PIEZO2: variants seen among roughly 807,000 people sequenced by gnomAD.
PIEZO2 encodes piezo-type mechanosensitive ion channel component 2.
Under a neutral mutation model 337.3 loss-of-function variants are expected in PIEZO2, and 172 were observed. That is an observed-to-expected ratio of 0.51 (90% CI 0.45 to 0.58). The LOEUF (loss-of-function observed/expected upper bound fraction) is 0.58. Among genes scored for constraint, PIEZO2 ranks in the 20% least tolerant of loss-of-function variants. PIEZO2 has a pLI of 0.00. For missense variants in PIEZO2, 3,028 were observed against 3,391.3 expected (o/e 0.89, Z 2.66); for synonymous variants, 1,251 against 1,228.5 (o/e 1.02, Z -0.38).
chr18:10,736,535 C>A, intron 34 of PIEZO2, 69 bp downstream of exon 34: 2 of 1,527,796 alleles, frequency 1.3e-6, no homozygotes, highest in Non-Finnish European at 1.8e-6. Context: ...GTGTCTAGGC[C>A]TGCAATGAAG....
Position 10,855,532 on chromosome 18 carries a change from A to T in PIEZO2, c.738T>A (p.Tyr246Ter). The change falls in exon 7 of 56, where the codon TAT becomes TAA. Residue 246 changes from tyrosine to a stop codon, truncating the protein, a stop_gained. Transcript: ENST00000674853. LOFTEE classifies it high-confidence loss of function. The surrounding 1 kb of genome is among the most constrained non-coding windows in gnomAD (Gnocchi z 4.9). ...MMLPSLTSSVYFFVFLGLCTW... is the reference protein window; with the variant it reads ...MMLPSLTSSV ...TGCACAGACCCAAAAATACAAAAAA[A>T]TACACAGATGATGTCAAAGACGGCA... 6.5e-7 allele frequency: 1 copy of T among 1,537,038 alleles called. No individual in the cohort carries two copies.
chr18:10,921,933 T>C (rs2031444132), intron 3 of PIEZO2, among the ~76,000 whole-genome samples: 1 of 152,272 alleles, frequency 6.6e-6, no homozygotes, highest in South Asian at 2.1e-4. Context: ...AGGAAATTCT[T>C]GCCTAATAAA....
rs958358461 is a variant in PIEZO2, at chr18:10,871,362, C to T, written c.383G>A (p.Gly128Glu). 4 of 1,537,192 alleles carry T rather than the reference C, an allele frequency of 2.6e-6. No homozygotes were observed. The highest frequency in any genetic ancestry group is 3.5e-6 in the Non-Finnish European group (4 of 1,146,886). ...NGIRVFVPDIGMFIASLTIWL... is the reference protein window; with the variant it reads ...NGIRVFVPDIEMFIASLTIWL... ...GATGGTCAGACTAGCAATGAACATC[C>T]CGATGTCAGGTACAAACACTCTGAT... Residue 128 changes from glycine (G) to glutamate (E), a missense_variant, in exon 5 of 56, where the codon GGG becomes GAG. Gly to Glu is a moderately conservative substitution (Grantham distance 98). This residue lies in a region of PIEZO2 where 542 missense variants were observed against 605.6 expected (regional missense o/e 0.89). Coordinates refer to ENST00000674853, the MANE Select transcript of PIEZO2 (RefSeq NM_001378183.1).
chr18:10,998,357 TACAC>T (rs10564435), intron 2 of PIEZO2, among the ~76,000 whole-genome samples: 72,000 of 149,730 alleles, frequency 0.48, 17,190 homozygotes, highest in African/African-American at 0.52. Context: ...CACATACACA[TACAC>T]ACACACACAC....
rs1341741608 is a variant in PIEZO2, at chr18:10,784,464, T to C, written c.2492+320A>G. ...CTGAATTAGCCAGATTCCCTAAATG[T>C]TCTAAAAACATATAACCAGCCTAGA... On this transcript the variant is annotated intron_variant, in intron 17 of 55. Transcript: ENST00000674853. The surrounding 1 kb of genome is among the most constrained non-coding windows in gnomAD (Gnocchi z 4.5). Among the ~76,000 whole-genome samples the C allele has an allele frequency of 6.6e-6, 1 of 152,192 alleles. No individual in the cohort carries two copies. The highest frequency in any genetic ancestry group is 2.4e-5 in the African/African-American group (1 of 41,442).
intron 1 of PIEZO2, among the ~76,000 whole-genome samples, chr18:11,137,790 CT>C (rs2040533010): frequency 6.6e-6 from 1 of 152,200 alleles, no homozygotes; most frequent in South Asian, 2.1e-4. Flanking sequence ...ATCCTTCTTC[CT>C]TTTCTGCACC....
Position 10,759,953 on chromosome 18 carries a change from T to C in PIEZO2, c.3451-44A>G, listed in dbSNP as rs1274703760. The C allele has an allele frequency of 1.7e-5, 25 of 1,502,930 alleles. No individual in the cohort carries two copies. In the Admixed American group the frequency reaches 2.4e-4, roughly 14 times the overall value. 93.1% of individuals were successfully genotyped at this position (1,502,930 alleles called of 1,614,324 possible). The stretch of plus-strand genomic sequence containing the variant: ...AGGCAAAAAAAAAAAATCAGGCATA[T>C]GGGAAAGGGGACTGGTGATAGGTGT... On this transcript the variant is annotated intron_variant, in intron 24 of 55. Transcript: ENST00000674853. The surrounding 1 kb of genome is among the most constrained non-coding windows in gnomAD (Gnocchi z 5.5).
chr18:10,708,121 G>A (rs1042337436), intron 40 of PIEZO2, among the ~76,000 whole-genome samples, 154 bp downstream of exon 40: 2 of 152,204 alleles, frequency 1.3e-5, no homozygotes, highest in Admixed American at 6.5e-5. Flanking sequence ...ACATCTCACA[G>A]AGGGCAGTGG....
chr18:11,123,028 T>C (rs11659540), intron 1 of PIEZO2, among the ~76,000 whole-genome samples: 85,810 of 151,736 alleles, frequency 0.57, 27,034 homozygotes, highest in Non-Finnish European at 0.7. Context: ...TTGTACTTTT[T>C]TAATCTGTCG....
At chr18:10,774,143 C>T (rs981000375) in intron 18 of PIEZO2, 105 bp from the exon 19 acceptor site, 7 of 680,516 alleles carry the variant, frequency 1.0e-5, no homozygotes, top group Non-Finnish European at 1.9e-5. Flanking sequence ...TCCACTATTG[C>T]ATTCCTGTAT....
At chr18:10,956,361 C>T (rs1306820990) in intron 3 of PIEZO2, among the ~76,000 whole-genome samples, 1 of 152,054 alleles carries the variant, frequency 6.6e-6, no homozygotes, top group Non-Finnish European at 1.5e-5. Context: ...AACTATAAAA[C>T]ATCAATTAAA....
intron 36 of PIEZO2, among the ~76,000 whole-genome samples, chr18:10,719,023 A>AATT: frequency 6.7e-6 from 1 of 149,590 alleles, no homozygotes; most frequent in African/African-American, 2.5e-5. Context: ...ATAAATAAAT[A>AATT]AATTTGCTAT....
At position 11,067,474 on chromosome 18, in the gene PIEZO2, A is replaced by G. The variant is rs536130113; in HGVS notation, c.65-1252T>C. Among the ~76,000 whole-genome samples the G allele has an allele frequency of 2.0e-5, 3 of 152,346 alleles. No individual in the cohort carries two copies. In the South Asian group the frequency reaches 6.2e-4, roughly 32 times the overall value. ...GATGAAAGAATCTTTTAAAGACCCA[A>G]GTATATGCTGCCTGCAAGAAACTCA... is the stretch of plus-strand genomic sequence containing the variant. On this transcript the variant is annotated intron_variant, in intron 1 of 55. Transcript: ENST00000674853.
At position 11,109,260 on chromosome 18, in the gene PIEZO2, TA is replaced by T. The variant is rs1403943548; in HGVS notation, c.64+39264del. On this transcript the variant is annotated intron_variant, in intron 1 of 55. Transcript: ENST00000674853. The surrounding 1 kb of genome is among the most constrained non-coding windows in gnomAD (Gnocchi z 5.1). Reference sequence around the variant, plus strand: ...GGTCCACATGATCATTTAAGGAGGGTAAAAAGCTCCAGTCAAAGGTATTGCT... The same window carrying T: ...GGTCCACATGATCATTTAAGGAGGGTAAAAGCTCCAGTCAAAGGTATTGCT... Among the ~76,000 whole-genome samples the T allele has an allele frequency of 4.6e-5, 7 of 152,164 alleles. No homozygotes were observed. The highest frequency in any genetic ancestry group is 1.5e-5 in the Non-Finnish European group (1 of 68,030).
rs1023065766 is a variant in PIEZO2, at chr18:10,969,575, G to A, written c.286+9960C>T. 6.6e-6 allele frequency among the ~76,000 whole-genome samples: 1 copy of A among 151,820 alleles called. No individual in the cohort carries two copies. The highest frequency in any genetic ancestry group is 2.4e-5 in the African/African-American group (1 of 41,316). On this transcript the variant is annotated intron_variant, in intron 3 of 55. Coordinates refer to ENST00000674853, the MANE Select transcript of PIEZO2 (RefSeq NM_001378183.1). This position sits in a 1 kb window ranked among gnomAD's most constrained non-coding sequence, Gnocchi z 4.5. ...TGTCTTAATTTTCCCAAATCCAAAT[G>A]GAAATCCAAATTTTTTTTTGCGAAG...
intron 1 of PIEZO2, among the ~76,000 whole-genome samples, chr18:11,138,731 T>G (rs1455020636): frequency 6.6e-6 from 1 of 152,168 alleles, no homozygotes; most frequent in African/African-American, 2.4e-5. Context: ...AACTGAATAT[T>G]AATACAACAT....
At position 10,837,754 on chromosome 18, in the gene PIEZO2, TG is replaced by T. The variant is rs201728683; in HGVS notation, c.917+17598del. 1.7e-4 allele frequency among the ~76,000 whole-genome samples: 26 copies of T among 151,984 alleles called. No homozygotes were observed. Among genetic ancestry groups the T allele is most frequent in the African/African-American group, 6.3e-4 (26 of 41,380 alleles). On this transcript the variant is annotated intron_variant, in intron 7 of 55. Transcript: ENST00000674853. The surrounding 1 kb of genome is among the most constrained non-coding windows in gnomAD (Gnocchi z 4.4). ...TTTATAAAATTTCCTCATTTTTTTT[TG>T]TTGTTGTTGTTGTTGAGATGAAGTC...
intron 3 of PIEZO2, among the ~76,000 whole-genome samples, chr18:10,949,496 A>C (rs370429003): frequency 3.0e-4 from 45 of 151,944 alleles, no homozygotes; most frequent in African/African-American, 1.0e-3. Flanking sequence ...CTGGATTCCC[A>C]CTCTGTCTAC....
At chr18:11,123,902 GA>G (rs1169375679) in intron 1 of PIEZO2, among the ~76,000 whole-genome samples, 1 of 34,238 alleles carries the variant, frequency 2.9e-5, no homozygotes, top group Non-Finnish European at 1.6e-4. Context: ...ATTGCTGAAA[GA>G]GTAGATTTTA....
Sources: allele counts gnomAD v4.1 joint callset (sites outside exome capture counted in the v4.1 genomes callset), GRCh38; gene constraint gnomAD v4.1.1; regional missense constraint gnomAD v4.1.1; non-coding constraint Gnocchi (gnomAD v3.1); transcripts MANE v1.5; gene names NCBI Gene and HGNC (gene_info 2026-07-23, HGNC 2026-07-21).